Variants in C5AR2 observed in about 807,000 individuals in gnomAD.
The protein encoded by C5AR2 is complement C5a receptor 2.
For missense variants in C5AR2, 458 were observed against 467.5 expected (o/e 0.98, Z 0.19); for synonymous variants, 224 against 216.5 (o/e 1.03, Z -0.30).
rs1426621430 is a variant in C5AR2, at chr19:47,341,280, CT to C, written c.482del (p.Leu161ArgfsTer40). 6.2e-7 allele frequency: 1 copy of C among 1,606,414 alleles called. No individual in the cohort carries two copies. The highest frequency in any genetic ancestry group is 8.5e-7 in the Non-Finnish European group (1 of 1,179,882). ...GGTGGCCTGTGGGGCAGCCTGGACACTGGCCTTGCTGCTCACCGTGCCCTCC... is the reference window on the plus strand; with the variant it reads ...GGTGGCCTGTGGGGCAGCCTGGACACGGCCTTGCTGCTCACCGTGCCCTCC... ...VQVACGAAWT[L>X]ALLLTVPSAI... On this transcript the variant is annotated frameshift_variant, in exon 2 of 2. Transcript: ENST00000595464. LOFTEE classifies it low-confidence loss of function (END_TRUNC). The surrounding 1 kb of genome is among the most constrained non-coding windows in gnomAD (Gnocchi z 4.6).
intron 1 of C5AR2, among the ~76,000 whole-genome samples, chr19:47,339,262 G>A (rs749546277): frequency 1.3e-5 from 2 of 152,082 alleles, no homozygotes; most frequent in Non-Finnish European, 2.9e-5. Context: ...CGTTGCCCAC[G>A]TGGCCCTACA....
At chr19:47,338,058 G>A (rs1317568330) in intron 1 of C5AR2, among the ~76,000 whole-genome samples, 3 of 151,672 alleles carry the variant, frequency 2.0e-5, no homozygotes, top group Admixed American at 6.6e-5. Flanking sequence ...CTGGGTAGCA[G>A]AGTGAGACTC....
chr19:47,339,211 T>C (rs1342309499), intron 1 of C5AR2, among the ~76,000 whole-genome samples: 1 of 152,160 alleles, frequency 6.6e-6, no homozygotes, highest in South Asian at 2.1e-4. Flanking sequence ...AGCACCCTCC[T>C]ATAGCACCTG....
chr19:47,334,831 T>C (rs2059351381), intron 1 of C5AR2, among the ~76,000 whole-genome samples: 1 of 151,556 alleles, frequency 6.6e-6, no homozygotes, highest in Non-Finnish European at 1.5e-5. Flanking sequence ...CTACCTCAAA[T>C]GTGTTCAGAA....
chr19:47,338,436 T>G (rs8110825), intron 1 of C5AR2, among the ~76,000 whole-genome samples: 145,713 of 148,278 alleles, frequency 0.98, 71,611 homozygotes, highest in East Asian at 1. Context: ...GACAGAGCAA[T>G]ATCTGTCCCT....
intron 1 of C5AR2, among the ~76,000 whole-genome samples, chr19:47,338,995 A>G (rs1290391788): frequency 1.3e-5 from 2 of 151,668 alleles, no homozygotes; most frequent in Non-Finnish European, 2.9e-5. Context: ...CTCTACTAAA[A>G]ATACAAAAAT....
At chr19:47,336,484 C>T (rs868193860) in intron 1 of C5AR2, among the ~76,000 whole-genome samples, 2 of 27,470 alleles carry the variant, frequency 7.3e-5, no homozygotes, top group Admixed American at 9.5e-4. Context: ...TTCCTTCCTT[C>T]CTTCCTTTCT....
chr19:47,340,750 C>G, intron 1 of C5AR2, 35 bp from the exon 2 acceptor site: 1 of 1,605,666 alleles, frequency 6.2e-7, no homozygotes, highest in Middle Eastern at 1.7e-4. Flanking sequence ...GGAGTTTCCT[C>G]CTCTGAGTTT....
At position 47,341,349 on chromosome 19, in the gene C5AR2, C is replaced by T. The variant is rs146710047; in HGVS notation, c.550C>T (p.Leu184=). ...RLHQEHFPAR[L]QCVVDYGGSS... ...GCACCAGGAGCACTTCCCAGCCCGGCTGCAGTGTGTGGTGGACTACGGCGG... is the reference window on the plus strand; with the variant it reads ...GCACCAGGAGCACTTCCCAGCCCGGTTGCAGTGTGTGGTGGACTACGGCGG... Residue 184 remains leucine (L), a synonymous_variant, in exon 2 of 2, where the codon CTG becomes TTG. Transcript: ENST00000595464. This position sits in a 1 kb window ranked among gnomAD's most constrained non-coding sequence, Gnocchi z 4.6. The T allele has an allele frequency of 8.1e-6, 13 of 1,612,192 alleles. No individual in the cohort carries two copies. Among genetic ancestry groups the T allele is most frequent in the Non-Finnish European group, 1.0e-5 (12 of 1,179,910 alleles).
At chr19:47,339,288 T>C (rs1369708293) in intron 1 of C5AR2, among the ~76,000 whole-genome samples, 1 of 152,170 alleles carries the variant, frequency 6.6e-6, no homozygotes, top group African/African-American at 2.4e-5. Context: ...TGGCCCCTGA[T>C]AACTGTTTTT....
chr19:47,340,299 A>G (rs1968991036), intron 1 of C5AR2, among the ~76,000 whole-genome samples: 1 of 151,638 alleles, frequency 6.6e-6, no homozygotes, highest in Admixed American at 6.6e-5. Flanking sequence ...GTAATATTCT[A>G]GAATTCCAAG....
intron 1 of C5AR2, among the ~76,000 whole-genome samples, chr19:47,338,160 C>CAGCT (rs2059365677): frequency 6.6e-6 from 1 of 152,042 alleles, no homozygotes; most frequent in African/African-American, 2.4e-5. Flanking sequence ...CCTGTAGTCC[C>CAGCT]AGCTACTCAG....
chr19:47,340,854 C>T lies in C5AR2; in HGVS notation c.55C>T (p.Arg19Cys), dbSNP rs751520206. The T allele has an allele frequency of 1.5e-5, 24 of 1,613,510 alleles. No individual in the cohort carries two copies. The highest frequency in any genetic ancestry group is 4.5e-5 in the East Asian group (2 of 44,900). The change falls in exon 2 of 2, where the codon CGC (arginine) becomes TGC (cysteine). Residue 19 changes from arginine to cysteine, a missense_variant. Arg to Cys is a radical substitution (Grantham distance 180). Transcript: ENST00000595464. ...TGGGGATTACAGCGACCTCTCGGAC[C>T]GCCCTGTGGACTGCCTGGATGGCGC... The part of the protein sequence containing the change: ...EYGDYSDLSD[R>C]PVDCLDGACL...
chr19:47,332,843 T>G (rs1007467977), intron 1 of C5AR2, among the ~76,000 whole-genome samples: 1 of 150,160 alleles, frequency 6.7e-6, no homozygotes, highest in Admixed American at 6.6e-5. Context: ...CGTGAGCCAC[T>G]GTGCCCTGCC....
At chr19:47,338,085 AT>A (rs200450380) in intron 1 of C5AR2, among the ~76,000 whole-genome samples, 1 of 151,752 alleles carries the variant, frequency 6.6e-6, no homozygotes, top group African/African-American at 2.4e-5. Flanking sequence ...AAAAAAAAAA[AT>A]AAATAAAATA....
intron 1 of C5AR2, among the ~76,000 whole-genome samples, chr19:47,333,572 A>C (rs572517331): frequency 8.1e-5 from 12 of 149,038 alleles, no homozygotes; most frequent in Admixed American, 2.7e-4. Context: ...GGAATAAAGA[A>C]TGTTCAGACT....
At chr19:47,339,271 C>T (rs1158042226) in intron 1 of C5AR2, among the ~76,000 whole-genome samples, 1 of 152,140 alleles carries the variant, frequency 6.6e-6, no homozygotes, top group Non-Finnish European at 1.5e-5. Context: ...CGTGGCCCTA[C>T]ATGCCGTGGC....
At chr19:47,337,095 A>G (rs1415114863) in intron 1 of C5AR2, 1 of 153,616 alleles carries the variant, frequency 6.5e-6, no homozygotes. Context: ...TGTGCTACCC[A>G]CAGCTTTGTC....
At chr19:47,334,027 C>G (rs1368926102) in intron 1 of C5AR2, among the ~76,000 whole-genome samples, 1 of 152,146 alleles carries the variant, frequency 6.6e-6, no homozygotes, top group East Asian at 1.9e-4. Context: ...CTCTCTGTGC[C>G]TCAGTTTACT....
Sources: allele counts gnomAD v4.1 joint callset (sites outside exome capture counted in the v4.1 genomes callset), GRCh38; gene constraint gnomAD v4.1.1; non-coding constraint Gnocchi (gnomAD v3.1); transcripts MANE v1.5; gene names NCBI Gene and HGNC (gene_info 2026-07-23, HGNC 2026-07-21).